Variants in TMEM255B observed in about 807,000 individuals in gnomAD.
TMEM255B encodes the protein transmembrane protein 255B.
Under a neutral mutation model 34.5 loss-of-function variants are expected in TMEM255B, and 35 were observed. The ratio of observed to expected loss-of-function variants is 1.01; its 90% CI spans 0.77 to 1.34. TMEM255B has a LOEUF of 1.34. Ranked by LOEUF, TMEM255B falls within the 40% of genes most tolerant of loss-of-function variation. The probability of loss-of-function intolerance (pLI) is 0.00; values close to 1 mark genes in which losing one functional copy is unlikely to be tolerated. For synonymous variants in TMEM255B, 206 were observed against 201.2 expected (o/e 1.02, Z -0.20); for missense variants, 432 against 433.2 (o/e 1.00, Z 0.02).
At chr13:113,805,619 G>A (rs928115642) in intron 8 of TMEM255B, among the ~76,000 whole-genome samples, 2 of 152,188 alleles carry the variant, frequency 1.3e-5, no homozygotes, top group Non-Finnish European at 2.9e-5. Flanking sequence ...ACCGGGCCAC[G>A]TTTCTTACCT....
At chr13:113,768,802 ATGT>A (rs2050432455) in intron 2 of TMEM255B, 4 of 510,462 alleles carry the variant, frequency 7.8e-6, no homozygotes, top group South Asian at 3.1e-5. Context: ...TCCCGAAAAG[ATGT>A]TGTCTCTGGG....
chr13:113,804,955 T>C lies in TMEM255B; in HGVS notation c.740T>C (p.Ile247Thr). Residue 247 changes from isoleucine (I) to threonine (T), a missense_variant, in exon 8 of 9, where the codon ATC becomes ACC. Ile to Thr is a moderately conservative substitution (Grantham distance 89). Transcript: ENST00000375353. ...ACCCTCTACAACCCCGCCCAGCAGATCCTGGCCTACGCAGGCTTCCGCCTG... is the reference window on the plus strand; with the variant it reads ...ACCCTCTACAACCCCGCCCAGCAGACCCTGGCCTACGCAGGCTTCCGCCTG... Reference protein sequence around the residue: ...PQTLYNPAQQILAYAGFRLTP... With the variant: ...PQTLYNPAQQTLAYAGFRLTP... 1.2e-6 allele frequency: 2 copies of C among 1,606,620 alleles called. No individual in the cohort carries two copies. The highest frequency in any genetic ancestry group is 8.5e-7 in the Non-Finnish European group (1 of 1,179,786).
chr13:113,791,838 C>T (rs1015695431), intron 3 of TMEM255B, among the ~76,000 whole-genome samples: 33 of 152,232 alleles, frequency 2.2e-4, no homozygotes, highest in African/African-American at 6.5e-4. Flanking sequence ...GCAGTGGTGA[C>T]GGGACCACGG....
At chr13:113,779,946 G>C (rs1391771704) in intron 3 of TMEM255B, among the ~76,000 whole-genome samples, 1 of 152,090 alleles carries the variant, frequency 6.6e-6, no homozygotes, top group Non-Finnish European at 1.5e-5. Flanking sequence ...TATTATACTT[G>C]GCTTAATTAT....
rs1275932187 is a variant in TMEM255B, at chr13:113,770,289, T to C, written c.252+1129T>C. 6.6e-6 allele frequency among the ~76,000 whole-genome samples: 1 copy of C among 151,954 alleles called. No homozygotes were observed. Among genetic ancestry groups the C allele is most frequent in the Admixed American group, 6.6e-5 (1 of 15,168 alleles). On this transcript the variant is annotated intron_variant, in intron 3 of 8. Coordinates refer to ENST00000375353, the MANE Select transcript of TMEM255B (RefSeq NM_182614.4). This position sits in a 1 kb window ranked among gnomAD's most constrained non-coding sequence, Gnocchi z 4.6. ...AACCATCAGATCTTGTGAGACTTAC[T>C]CACTATCATGAGAACAGCACAGGAA... is the stretch of plus-strand genomic sequence containing the variant.
intron 1 of TMEM255B, 84 bp from the exon 2 acceptor site, chr13:113,766,031 A>T: frequency 1.3e-6 from 2 of 1,569,684 alleles, no homozygotes; most frequent in Non-Finnish European, 1.7e-6. Context: ...CCCCTGGGTA[A>T]CGGAGCACGG....
rs745758175 is a variant in TMEM255B at position 113,799,433 on chromosome 13, C to T, written c.423+14C>T. 2 of 1,612,344 alleles carry T rather than the reference C, an allele frequency of 1.2e-6. No individual in the cohort carries two copies. The highest frequency in any genetic ancestry group is 1.7e-6 in the Non-Finnish European group (2 of 1,178,444). ...TACCAGACAGAGGTGAGCAGGAGCA[C>T]TGAGATTCATGTGGGTTTTGCTCAG... On this transcript the variant is annotated intron_variant, in intron 5 of 8. Coordinates refer to ENST00000375353, the MANE Select transcript of TMEM255B (RefSeq NM_182614.4).
At chr13:113,804,043 G>C (rs2051117463) in intron 7 of TMEM255B, among the ~76,000 whole-genome samples, 1 of 152,096 alleles carries the variant, frequency 6.6e-6, no homozygotes, top group African/African-American at 2.4e-5. Context: ...CTGGGGGTGG[G>C]GGCTGGGGAA....
At chr13:113,784,323 A>G (rs1030382290) in intron 3 of TMEM255B, among the ~76,000 whole-genome samples, 3 of 152,144 alleles carry the variant, frequency 2.0e-5, no homozygotes, top group Non-Finnish European at 4.4e-5. Flanking sequence ...GGAGTTCCCA[A>G]GATTTTCCCC....
chr13:113,807,790 G>A (rs1159122782), intron 8 of TMEM255B, among the ~76,000 whole-genome samples: 1 of 141,208 alleles, frequency 7.1e-6, no homozygotes, highest in East Asian at 2.2e-4. Flanking sequence ...GATGTGGGGG[G>A]CGGTCCTCCC....
At chr13:113,801,943 C>T in intron 7 of TMEM255B, 131 bp downstream of exon 7, 2 of 1,051,622 alleles carry the variant, frequency 1.9e-6, no homozygotes, top group Non-Finnish European at 2.7e-6. Flanking sequence ...CGTCTGTCAG[C>T]AGGGTGTCAG....
chr13:113,771,440 G>C (rs1313296016), intron 3 of TMEM255B, among the ~76,000 whole-genome samples: 1 of 152,154 alleles, frequency 6.6e-6, no homozygotes, highest in Admixed American at 6.5e-5. Context: ...CTAGCACTTT[G>C]GGAGGCCAAG....
intron 8 of TMEM255B, among the ~76,000 whole-genome samples, chr13:113,808,795 G>GGGA (rs1555302343): frequency 1.7e-4 from 18 of 108,616 alleles, no homozygotes; most frequent in Non-Finnish European, 2.7e-4. Context: ...TGGTTCCTGG[G>GGGA]GGGGGGGTTA....
intron 3 of TMEM255B, among the ~76,000 whole-genome samples, chr13:113,794,887 C>T (rs1338985979): frequency 1.3e-5 from 2 of 152,208 alleles, no homozygotes; most frequent in African/African-American, 4.8e-5. Flanking sequence ...TTCTCAGAGG[C>T]GCGTGCCGAG....
chr13:113,781,648 C>T (rs931317816), intron 3 of TMEM255B, among the ~76,000 whole-genome samples: 25 of 152,176 alleles, frequency 1.6e-4, no homozygotes. Flanking sequence ...CATCAAACTC[C>T]GTGTGTCCCA....
At chr13:113,802,121 A>G (rs905729122) in intron 7 of TMEM255B, among the ~76,000 whole-genome samples, 7 of 152,212 alleles carry the variant, frequency 4.6e-5, no homozygotes, top group Non-Finnish European at 1.0e-4. Context: ...CTAAGCTCCC[A>G]TCATTAGCAA....
chr13:113,777,623 G>A (rs960931134), intron 3 of TMEM255B, among the ~76,000 whole-genome samples: 1 of 152,228 alleles, frequency 6.6e-6, no homozygotes, highest in Non-Finnish European at 1.5e-5. Flanking sequence ...ACCTAGAACA[G>A]CTCCCGCCCG....
rs75615490 is a variant in TMEM255B, at chr13:113,768,884, C to T, written c.190-214C>T. On this transcript the variant is annotated intron_variant, in intron 2 of 8. Coordinates refer to ENST00000375353, the MANE Select transcript of TMEM255B (RefSeq NM_182614.4). ...AGATGCATCATTAAAAACCTCTGAG[C>T]AGAGAAGACAGGACAGGTGATGTTG... The T allele has an allele frequency of 1.2e-3, 781 of 653,528 alleles. 3 individuals carry two copies. The African/African-American group carries it at 0.013, about 11-fold the overall frequency. The allele number at this position is 653,528 out of a possible 1,614,324, so 40.5% of individuals were successfully genotyped here.
chr13:113,765,965 T>G, intron 1 of TMEM255B, 150 bp from the exon 2 acceptor site: 3 of 870,888 alleles, frequency 3.4e-6, no homozygotes, highest in Non-Finnish European at 5.3e-6. Flanking sequence ...TAATGGAGGT[T>G]GGGGGTGGTC....
Sources: gnomAD v4.1 joint callset for allele counts (sites outside exome capture counted in the v4.1 genomes callset) on GRCh38, gnomAD v4.1.1 for gene constraint, Gnocchi (gnomAD v3.1) non-coding constraint, MANE v1.5 for transcripts, NCBI Gene and HGNC (gene_info 2026-07-23, HGNC 2026-07-21) for gene names.